The following DUSP22 variants were observed in gnomAD, a reference collection of about 807,000 sequenced individuals.
The protein encoded by DUSP22 is dual specificity protein phosphatase 22.
Under a neutral mutation model 24.5 loss-of-function variants are expected in DUSP22, and 24 were observed. The ratio of observed to expected loss-of-function variants is 0.98; its 90% CI spans 0.71 to 1.38. DUSP22 has a LOEUF of 1.38. Ranked by LOEUF, DUSP22 falls within the 40% of genes most tolerant of loss-of-function variation. DUSP22 has a pLI of 0.00. For missense variants in DUSP22, 330 were observed against 269.2 expected (o/e 1.23, Z -1.58); for synonymous variants, 160 against 106.4 (o/e 1.50, Z -3.10).
rs948061489 is a variant in DUSP22 at position 351,153 on chromosome 6, G to A, written c.*2202G>A. The A allele has an allele frequency of 1.2e-5, 6 of 508,776 alleles. No homozygotes were observed. The highest frequency in any genetic ancestry group is 3.5e-5 in the Admixed American group (1 of 28,396). 31.5% of individuals were successfully genotyped at this position (508,776 alleles called of 1,614,324 possible). ...CGCACTGCCTTGTGGGTGGCTTGGC[G>A]CTCGTGATTGCTTCCTGTGAACGCC... On this transcript the variant is annotated 3_prime_UTR_variant, in exon 7 of 7. Coordinates refer to ENST00000419235, the MANE Select transcript of DUSP22 (RefSeq NM_001286555.3).
At chr6:309,872 A>G (rs1471060425) in intron 2 of DUSP22, among the ~76,000 whole-genome samples, 2 of 152,300 alleles carry the variant, frequency 1.3e-5, no homozygotes, top group South Asian at 2.1e-4. Flanking sequence ...GCTTTACATT[A>G]TACCCTGAGC....
intron 3 of DUSP22, among the ~76,000 whole-genome samples, chr6:317,855 C>G (rs1341992408): frequency 7.2e-5 from 11 of 152,284 alleles, no homozygotes. Flanking sequence ...AGTGAGAAAT[C>G]ATGTCTTATC....
At chr6:306,940 C>G (rs1286750061) in intron 2 of DUSP22, among the ~76,000 whole-genome samples, 1 of 152,304 alleles carries the variant, frequency 6.6e-6, no homozygotes, top group African/African-American at 2.4e-5. Context: ...GGGTGATGCC[C>G]TCGGTGGGCT....
chr6:329,634 A>G (rs540641470), intron 3 of DUSP22, among the ~76,000 whole-genome samples: 10 of 152,406 alleles, frequency 6.6e-5, no homozygotes, highest in African/African-American at 1.9e-4. Flanking sequence ...TGTATTTTTT[A>G]GTAGAGACGG....
intron 2 of DUSP22, among the ~76,000 whole-genome samples, chr6:308,593 T>C (rs941010042): frequency 2.0e-4 from 30 of 152,408 alleles, no homozygotes; most frequent in African/African-American, 6.7e-4. Context: ...TGATATCAAG[T>C]GGTCTTCTCT....
At chr6:346,178 G>A (rs1016958962) in intron 5 of DUSP22, among the ~76,000 whole-genome samples, 10 of 152,396 alleles carry the variant, frequency 6.6e-5, no homozygotes, top group Middle Eastern at 3.4e-3. Context: ...TGTAGGGACC[G>A]TGAAGGTTAC....
chr6:311,773 A>G (rs1758112225), intron 2 of DUSP22, 107 bp from the exon 3 acceptor site: 1 of 1,240,674 alleles, frequency 8.1e-7, no homozygotes. Flanking sequence ...GTTTCAGGAA[A>G]GAAATATGCA....
chr6:307,142 G>A (rs1035060077), intron 2 of DUSP22, among the ~76,000 whole-genome samples: 5 of 152,308 alleles, frequency 3.3e-5, no homozygotes, highest in African/African-American at 4.8e-5. Context: ...CTGTGCTCTT[G>A]CCTGGCATCT....
intron 4 of DUSP22, among the ~76,000 whole-genome samples, chr6:343,179 G>A (rs1164679239): frequency 1.3e-5 from 2 of 152,298 alleles, no homozygotes; most frequent in African/African-American, 2.4e-5. Flanking sequence ...ATTACATCTG[G>A]GTGCAGGTAT....
chr6:321,374 A>G (rs548777210), intron 3 of DUSP22, among the ~76,000 whole-genome samples: 84 of 152,386 alleles, frequency 5.5e-4, no homozygotes, highest in African/African-American at 2.0e-3. Context: ...TCATGAACAA[A>G]GCCAGGTGAC....
At position 350,531 on chromosome 6, in the gene DUSP22, G is replaced by A. The variant is rs1561687399; in HGVS notation, c.*1580G>A. On this transcript the variant is annotated 3_prime_UTR_variant, in exon 7 of 7. Transcript: ENST00000419235. ...AGGGTGTGTCAAAGGTGAGCTTTTT[G>A]GGGACCGGGAAAAACAAAGTTGCCT... 1.3e-5 allele frequency: 17 copies of A among 1,332,648 alleles called. No individual in the cohort carries two copies. Among genetic ancestry groups the A allele is most frequent in the African/African-American group, 1.5e-5 (1 of 67,882 alleles). 82.6% of individuals were successfully genotyped at this position (1,332,648 alleles called of 1,614,324 possible).
intron 4 of DUSP22, among the ~76,000 whole-genome samples, chr6:340,972 G>T (rs1257441150): frequency 6.6e-6 from 1 of 152,140 alleles, no homozygotes; most frequent in African/African-American, 2.4e-5. Flanking sequence ...GGTCGGTAGA[G>T]CCCATCTGGG....
intron 1 of DUSP22, 122 bp downstream of exon 1, chr6:292,682 G>A (rs1031700992): frequency 7.4e-7 from 1 of 1,357,194 alleles, no homozygotes; most frequent in South Asian, 1.5e-5. Flanking sequence ...GACGGGCGCG[G>A]AGGGAGGGGC....
intron 3 of DUSP22, among the ~76,000 whole-genome samples, chr6:330,350 A>G (rs1759087795): frequency 6.6e-6 from 1 of 152,302 alleles, no homozygotes; most frequent in South Asian, 2.1e-4. Context: ...GTTGGCTTTG[A>G]GAGGAGAGAG....
In DUSP22 at chr6:350,614, A is replaced by G. The variant is rs1760153775; in HGVS notation, c.*1663A>G. 4 of 1,446,590 alleles carry G rather than the reference A, an allele frequency of 2.8e-6. No individual in the cohort carries two copies. Among genetic ancestry groups the G allele is most frequent in the Non-Finnish European group, 3.6e-6 (4 of 1,102,434 alleles). 89.6% of individuals were successfully genotyped at this position (1,446,590 alleles called of 1,614,324 possible). A position where few individuals can be genotyped will look rare whatever the true frequency, so the allele number is the denominator to read the frequency against. Reference sequence around the variant, plus strand: ...CACCCGGAAAGGGGAGTGTGGCTGTAGAATCATCCATCCGTCTACAGCTAA... The same window carrying G: ...CACCCGGAAAGGGGAGTGTGGCTGTGGAATCATCCATCCGTCTACAGCTAA... On this transcript the variant is annotated 3_prime_UTR_variant, in exon 7 of 7. Transcript: ENST00000419235.
intron 1 of DUSP22, among the ~76,000 whole-genome samples, chr6:302,547 T>A (rs1757633825): frequency 6.6e-6 from 1 of 152,302 alleles, no homozygotes; most frequent in Admixed American, 6.5e-5. Flanking sequence ...ACCTCCACTT[T>A]CCCTGTGTGA....
At position 349,625 on chromosome 6, in the gene DUSP22, A is replaced by G; in HGVS notation, c.*674A>G. The G allele has an allele frequency of 2.0e-6, 2 of 987,260 alleles. No homozygotes were observed. The highest frequency in any genetic ancestry group is 2.4e-6 in the Non-Finnish European group (2 of 831,350). 61.2% of individuals were successfully genotyped at this position (987,260 alleles called of 1,614,324 possible). ...GGGAGGGTGGCTCTGGGGCCCTGGAAAACGTGAGAGACTGCCCTGAGCTGG... is the reference window on the plus strand; with the variant it reads ...GGGAGGGTGGCTCTGGGGCCCTGGAGAACGTGAGAGACTGCCCTGAGCTGG... On this transcript the variant is annotated 3_prime_UTR_variant, in exon 7 of 7. Coordinates refer to ENST00000419235, the MANE Select transcript of DUSP22 (RefSeq NM_001286555.3).
At chr6:307,851 C>T (rs1462132359) in intron 2 of DUSP22, among the ~76,000 whole-genome samples, 1 of 152,308 alleles carries the variant, frequency 6.6e-6, no homozygotes, top group African/African-American at 2.4e-5. Context: ...CTGGTGGGTA[C>T]CCAGTTGTTT....
In DUSP22 at chr6:292,544, G is replaced by A; in HGVS notation, c.5G>A (p.Gly2Glu). ...TAGCGTTCGCCTTCAGCCACCATGGGGAATGGGATGAACAAGGTAACGTCT... is the reference window on the plus strand; with the variant it reads ...TAGCGTTCGCCTTCAGCCACCATGGAGAATGGGATGAACAAGGTAACGTCT... M[G>E]NGMNKILPGL... The change falls in exon 1 of 7, where the codon GGG becomes GAG. Residue 2 changes from glycine (G) to glutamate (E), a missense_variant. Physicochemically the swap from Gly to Glu is moderately conservative, Grantham distance 98. Transcript: ENST00000419235. 6.2e-7 allele frequency: 1 copy of A among 1,605,610 alleles called. No homozygotes were observed. Among genetic ancestry groups the A allele is most frequent in the Non-Finnish European group, 8.5e-7 (1 of 1,176,084 alleles).
Sources: gnomAD v4.1 joint callset for allele counts (sites outside exome capture counted in the v4.1 genomes callset) on GRCh38, gnomAD v4.1.1 for gene constraint, MANE v1.5 for transcripts, NCBI Gene and HGNC (gene_info 2026-07-23, HGNC 2026-07-21) for gene names.